Variants in TRAF5 observed in about 807,000 individuals in gnomAD.
The protein encoded by TRAF5 is TNF receptor-associated factor 5.
Under a neutral mutation model 64.5 loss-of-function variants are expected in TRAF5, and 48 were observed. That is an observed-to-expected ratio of 0.74 (90% CI 0.59 to 0.95). TRAF5 has a LOEUF of 0.95. TRAF5 is among the 40% of genes least tolerant of loss of function. The pLI is 0.00. For synonymous variants in TRAF5, 206 were observed against 240.5 expected (o/e 0.86, Z 1.33); for missense variants, 545 against 662.8 (o/e 0.82, Z 1.95).
chr1:211,372,874 T>C lies in TRAF5; in HGVS notation c.*172T>C. On this transcript the variant is annotated 3_prime_UTR_variant, in exon 11 of 11. Coordinates refer to ENST00000261464, the MANE Select transcript of TRAF5 (RefSeq NM_001033910.3). Reference sequence around the variant, plus strand: ...GAAGTGCTGTCTTTTTACATTTTACTCTGTCCCAGTTTGAAACTTAAAACT... The same window carrying C: ...GAAGTGCTGTCTTTTTACATTTTACCCTGTCCCAGTTTGAAACTTAAAACT... 1.7e-6 allele frequency: 1 copy of C among 577,956 alleles called. No individual in the cohort carries two copies. The highest frequency in any genetic ancestry group is 4.6e-4 in the Middle Eastern group (1 of 2,182). The allele number at this position is 577,956 out of a possible 1,614,324, so 35.8% of individuals were successfully genotyped here.
At chr1:211,341,870 A>G (rs1323481222) in intron 1 of TRAF5, among the ~76,000 whole-genome samples, 1 of 152,234 alleles carries the variant, frequency 6.6e-6, no homozygotes, top group Non-Finnish European at 1.5e-5. Flanking sequence ...CAGTGTAACC[A>G]TGAATTCAAA....
chr1:211,345,566 C>T (rs1182444615), intron 1 of TRAF5, among the ~76,000 whole-genome samples: 2 of 152,186 alleles, frequency 1.3e-5, no homozygotes, highest in African/African-American at 4.8e-5. Context: ...TTCTTTATCA[C>T]CAGCCACAGT....
Position 211,356,310 on chromosome 1 carries a change from A to C in TRAF5, c.277-57A>C, listed in dbSNP as rs1457300893. The C allele has an allele frequency of 2.1e-6, 3 of 1,454,848 alleles. No homozygotes were observed. In the African/African-American group the frequency reaches 4.2e-5, roughly 20 times the overall value. The allele number at this position is 1,454,848 out of a possible 1,614,324, so 90.1% of individuals were successfully genotyped here. A position where few individuals can be genotyped will look rare whatever the true frequency, so the allele number is the denominator to read the frequency against. On this transcript the variant is annotated intron_variant, in intron 3 of 10. Transcript: ENST00000261464. Reference sequence around the variant, plus strand: ...TCGAAGACCAAATTAGTAATAGCTTAATTCACATTGCTGTAAAACTTTGAA... The same window carrying C: ...TCGAAGACCAAATTAGTAATAGCTTCATTCACATTGCTGTAAAACTTTGAA...
chr1:211,333,851 A>C (rs1418462601), intron 1 of TRAF5, among the ~76,000 whole-genome samples: 5 of 152,198 alleles, frequency 3.3e-5, no homozygotes, highest in African/African-American at 1.2e-4. Flanking sequence ...ACCTTTTCTT[A>C]CATCATTTCT....
At chr1:211,352,353 T>C (rs1477771163) in intron 1 of TRAF5, among the ~76,000 whole-genome samples, 1 of 148,482 alleles carries the variant, frequency 6.7e-6, no homozygotes, top group Non-Finnish European at 1.5e-5. Flanking sequence ...ACCATGATTA[T>C]ATTACCTCCC....
chr1:211,366,030 A>T (rs968812611), intron 8 of TRAF5, among the ~76,000 whole-genome samples: 1 of 152,252 alleles, frequency 6.6e-6, no homozygotes, highest in Non-Finnish European at 1.5e-5. Context: ...GGGAAATTAT[A>T]TGCAAATGCC....
intron 8 of TRAF5, among the ~76,000 whole-genome samples, chr1:211,365,765 G>A (rs907070574): frequency 6.6e-6 from 1 of 152,172 alleles, no homozygotes; most frequent in Non-Finnish European, 1.5e-5. Flanking sequence ...CATGTCCTCT[G>A]ATTCTAAGTC....
At chr1:211,334,978 C>CTG (rs1398484245) in intron 1 of TRAF5, among the ~76,000 whole-genome samples, 1 of 152,206 alleles carries the variant, frequency 6.6e-6, no homozygotes, top group African/African-American at 2.4e-5. Flanking sequence ...CCTCCTACTG[C>CTG]TGTGTGGCCC....
chr1:211,338,906 G>A (rs917164389), intron 1 of TRAF5, among the ~76,000 whole-genome samples: 2 of 152,190 alleles, frequency 1.3e-5, no homozygotes, highest in African/African-American at 2.4e-5. Flanking sequence ...TATTCTAGAT[G>A]AGGAAGGGGT....
chr1:211,372,947 G>T lies in TRAF5; in HGVS notation c.*245G>T. ...TATATTTTTATATTTCTTGAAAGAT[G>T]GTAAGTTTCTTGAAGTTTTTGGGGC... is the stretch of plus-strand genomic sequence containing the variant. On this transcript the variant is annotated 3_prime_UTR_variant, in exon 11 of 11. Transcript: ENST00000261464. 5.9e-6 allele frequency: 2 copies of T among 338,418 alleles called. No homozygotes were observed. The highest frequency in any genetic ancestry group is 1.1e-5 in the Non-Finnish European group (2 of 190,018). 21.0% of individuals were successfully genotyped at this position (338,418 alleles called of 1,614,324 possible).
chr1:211,365,102 G>A (rs1215502327), intron 7 of TRAF5, among the ~76,000 whole-genome samples: 1 of 151,936 alleles, frequency 6.6e-6, no homozygotes, highest in Non-Finnish European at 1.5e-5. Context: ...GAACCCGAGA[G>A]GCAGAGTCTG....
intron 1 of TRAF5, among the ~76,000 whole-genome samples, chr1:211,338,670 G>C (rs1036603930): frequency 2.0e-5 from 3 of 152,096 alleles, no homozygotes; most frequent in Non-Finnish European, 2.9e-5. Flanking sequence ...TGTTGTCCAG[G>C]CTGGAGTGCA....
intron 1 of TRAF5, among the ~76,000 whole-genome samples, chr1:211,343,471 G>T (rs1279039554): frequency 6.6e-6 from 1 of 152,086 alleles, no homozygotes; most frequent in Admixed American, 6.5e-5. Context: ...TCCTACGCTG[G>T]AGTGCAGTTG....
chr1:211,326,919 C>A lies in TRAF5; in HGVS notation c.-2+30C>A. 2 of 985,030 alleles carry A rather than the reference C, an allele frequency of 2.0e-6. No homozygotes were observed. The highest frequency in any genetic ancestry group is 2.4e-6 in the Non-Finnish European group (2 of 829,300). The allele number at this position is 985,030 out of a possible 1,614,324, so 61.0% of individuals were successfully genotyped here. A position where few individuals can be genotyped will look rare whatever the true frequency, so the allele number is the denominator to read the frequency against. ...GTCCGGCGGGTCGCCGCCCTGGGCA[C>A]CCTCGCGACGGAAGGGCCGGGGTGG... On this transcript the variant is annotated intron_variant, in intron 1 of 10. Coordinates refer to ENST00000261464, the MANE Select transcript of TRAF5 (RefSeq NM_001033910.3). The surrounding 1 kb of genome is among the most constrained non-coding windows in gnomAD (Gnocchi z 5.0).
At chr1:211,360,402 A>G in intron 5 of TRAF5, 2 of 489,928 alleles carry the variant, frequency 4.1e-6, no homozygotes, top group South Asian at 2.8e-5. Flanking sequence ...ATGCAGGCAT[A>G]AAAAGAAAGC....
chr1:211,351,372 T>C (rs1300759375), intron 1 of TRAF5, among the ~76,000 whole-genome samples: 2 of 152,082 alleles, frequency 1.3e-5, no homozygotes, highest in Non-Finnish European at 2.9e-5. Context: ...TCATGAGGGC[T>C]CCACTCTCAT....
In TRAF5 at chr1:211,356,442, G is replaced by A. The variant is rs1480454571; in HGVS notation, c.352G>A (p.Ala118Thr). The change falls in exon 4 of 11, where the codon GCC (alanine) becomes ACC (threonine). Residue 118 changes from alanine to threonine, a missense_variant. Coordinates refer to ENST00000261464, the MANE Select transcript of TRAF5 (RefSeq NM_001033910.3). ...VYCSNAPGCN[A>T]KVILGRYQDH... Reference sequence around the variant, plus strand: ...TTGCAGCAATGCTCCTGGATGTAATGCCAAGGTTATTCTGGGCCGGTACCA... The same window carrying A: ...TTGCAGCAATGCTCCTGGATGTAATACCAAGGTTATTCTGGGCCGGTACCA... The A allele has an allele frequency of 9.9e-6, 16 of 1,614,032 alleles. No individual in the cohort carries two copies. The Admixed American group carries it at 2.2e-4, about 22-fold the overall frequency.
intron 1 of TRAF5, among the ~76,000 whole-genome samples, chr1:211,339,519 G>T (rs962378227): frequency 2.0e-5 from 3 of 152,196 alleles, no homozygotes; most frequent in Non-Finnish European, 4.4e-5. Flanking sequence ...AGTCCTTCCA[G>T]AGCTGACAGG....
intron 1 of TRAF5, among the ~76,000 whole-genome samples, chr1:211,351,033 T>TC (rs1702771444): frequency 7.0e-6 from 1 of 142,642 alleles, no homozygotes; most frequent in Non-Finnish European, 1.5e-5. Flanking sequence ...GGCCTCTTCT[T>TC]TTTTTTTTTT....
Sources: gnomAD v4.1 joint callset for allele counts (sites outside exome capture counted in the v4.1 genomes callset) on GRCh38, gnomAD v4.1.1 for gene constraint, Gnocchi (gnomAD v3.1) non-coding constraint, MANE v1.5 for transcripts, NCBI Gene and HGNC (gene_info 2026-07-23, HGNC 2026-07-21) for gene names.